The following CSMD3 variants were observed in gnomAD, a reference collection of about 807,000 sequenced individuals.
The protein encoded by CSMD3 is CUB and sushi domain-containing protein 3.
In CSMD3, 177 loss-of-function variants were observed where a neutral mutation model predicts 435.2. The observed-to-expected ratio is 0.41, with a 90% CI of 0.36 to 0.46. The LOEUF is 0.46. Among genes scored for constraint, CSMD3 ranks in the 20% least tolerant of loss-of-function variants. The pLI is 0.34. For missense variants in CSMD3, 4,265 were observed against 4,504.6 expected, an observed-to-expected ratio of 0.95 and a Z score of 1.52; for synonymous variants, 1,656 against 1,520.5, an observed-to-expected ratio of 1.09 and a Z score of -2.07.
At chr8:113,269,338 T>C (rs1283542782) in intron 3 of CSMD3, among the ~76,000 whole-genome samples, 2 of 152,126 alleles carry the variant, frequency 1.3e-5, no homozygotes, top group Non-Finnish European at 2.9e-5. Context: ...GAATATTCCA[T>C]GCTCATGGAT....
At chr8:112,894,271 AT>A (rs2081887231) in intron 10 of CSMD3, among the ~76,000 whole-genome samples, 1 of 151,484 alleles carries the variant, frequency 6.6e-6, no homozygotes. Flanking sequence ...GAAATGGTGC[AT>A]TACAAAGTGG....
intron 7 of CSMD3, among the ~76,000 whole-genome samples, chr8:112,957,312 G>A (rs28549960): frequency 0.24 from 36,586 of 152,006 alleles, 6,055 homozygotes; most frequent in African/African-American, 0.47. Flanking sequence ...AAAATTTATT[G>A]TAGAGTTAAT....
intron 4 of CSMD3, among the ~76,000 whole-genome samples, chr8:113,118,846 G>A (rs1290335578): frequency 1.3e-5 from 2 of 152,080 alleles, no homozygotes; most frequent in East Asian, 1.9e-4. Context: ...CAAAATTGCC[G>A]CAGCAGGGGA....
At chr8:112,841,821 C>T (rs986336420) in intron 11 of CSMD3, among the ~76,000 whole-genome samples, 2 of 151,802 alleles carry the variant, frequency 1.3e-5, no homozygotes, top group Non-Finnish European at 2.9e-5. Flanking sequence ...GCAGATGTTG[C>T]TCCCTTCAAA....
intron 27 of CSMD3, among the ~76,000 whole-genome samples, chr8:112,540,762 G>T (rs1826591658): frequency 1.3e-5 from 2 of 151,940 alleles, no homozygotes; most frequent in Non-Finnish European, 1.5e-5. Flanking sequence ...TCAAATGGTA[G>T]TTACTAGATA....
chr8:113,401,751 A>G (rs2094511059), intron 1 of CSMD3, among the ~76,000 whole-genome samples: 1 of 151,640 alleles, frequency 6.6e-6, no homozygotes, highest in Admixed American at 6.6e-5. Flanking sequence ...GACCACATAT[A>G]TACCTGTAGT....
At chr8:112,486,114 G>GC (rs1563602136) in intron 31 of CSMD3, among the ~76,000 whole-genome samples, 3 of 144,666 alleles carry the variant, frequency 2.1e-5, no homozygotes, top group Non-Finnish European at 4.6e-5. Flanking sequence ...ATTCTATCAG[G>GC]TTTTTTTTTT....
Position 113,226,858 on chromosome 8 carries a change from G to A in CSMD3, c.514+51734C>T, listed in dbSNP as rs187160392. 2.8e-4 allele frequency among the ~76,000 whole-genome samples: 43 copies of A among 151,550 alleles called. No individual in the cohort carries two copies. The Admixed American group carries it at 2.8e-3, about 10-fold the overall frequency. On this transcript the variant is annotated intron_variant, in intron 3 of 70. Coordinates refer to ENST00000297405, the MANE Select transcript of CSMD3 (RefSeq NM_198123.2). ...ACAATTGTCTTTCATATCCCATAAAGATATAATAAAGATAAAATTTGATAT... is the reference window on the plus strand; with the variant it reads ...ACAATTGTCTTTCATATCCCATAAAAATATAATAAAGATAAAATTTGATAT...
At chr8:112,635,506 A>C (rs1374586279) in intron 22 of CSMD3, among the ~76,000 whole-genome samples, 1 of 151,898 alleles carries the variant, frequency 6.6e-6, no homozygotes. Context: ...TAACAACAAA[A>C]TGTCCTTAAA....
At chr8:112,668,014 A>G (rs935081659) in intron 16 of CSMD3, among the ~76,000 whole-genome samples, 3 of 152,312 alleles carry the variant, frequency 2.0e-5, no homozygotes, top group East Asian at 1.9e-4. Context: ...AAATTGGCCT[A>G]GGAATTAAAC....
chr8:112,913,840 A>C (rs534666914), intron 10 of CSMD3, among the ~76,000 whole-genome samples: 38 of 151,792 alleles, frequency 2.5e-4, no homozygotes, highest in African/African-American at 6.3e-4. Context: ...CTTTTCTATA[A>C]AAATTTTTGT....
chr8:113,179,359 G>C (rs538028942), intron 3 of CSMD3, among the ~76,000 whole-genome samples: 1 of 151,772 alleles, frequency 6.6e-6, no homozygotes, highest in Non-Finnish European at 1.5e-5. Context: ...ATCTTCTAGA[G>C]GTTGTGTCAT....
chr8:112,876,552 C>A (rs1425705168), intron 10 of CSMD3, among the ~76,000 whole-genome samples: 1 of 152,096 alleles, frequency 6.6e-6, no homozygotes, highest in South Asian at 2.1e-4. Context: ...AACCATAATC[C>A]ATCACATAAA....
rs2131823417 is a variant in CSMD3 at position 112,689,853 on chromosome 8, G to A, written c.2155+15C>T. On this transcript the variant is annotated intron_variant, in intron 14 of 70. Coordinates refer to ENST00000297405, the MANE Select transcript of CSMD3 (RefSeq NM_198123.2). ...GTAACATATGCTATCTGGAAGCAAAGCATTTGGTACTCACAGATACAGATG... is the reference window on the plus strand; with the variant it reads ...GTAACATATGCTATCTGGAAGCAAAACATTTGGTACTCACAGATACAGATG... 6.2e-7 allele frequency: 1 copy of A among 1,608,536 alleles called. No individual in the cohort carries two copies. Among genetic ancestry groups the A allele is most frequent in the Non-Finnish European group, 8.5e-7 (1 of 1,175,186 alleles).
chr8:113,068,266 T>C (rs558914900), intron 5 of CSMD3, among the ~76,000 whole-genome samples: 23 of 152,212 alleles, frequency 1.5e-4, no homozygotes, highest in Admixed American at 2.6e-4. Context: ...ATTTGGACAA[T>C]TGAAAATAAG....
chr8:112,271,298 AT>A (rs1817509565), intron 59 of CSMD3, among the ~76,000 whole-genome samples: 1 of 152,214 alleles, frequency 6.6e-6, no homozygotes, highest in East Asian at 1.9e-4. Flanking sequence ...AATTTTACAA[AT>A]GGTCGTTTCA....
intron 1 of CSMD3, among the ~76,000 whole-genome samples, chr8:113,417,921 T>C (rs1276681724): frequency 1.3e-5 from 2 of 152,018 alleles, no homozygotes; most frequent in Admixed American, 1.3e-4. Flanking sequence ...AGAGATAAAA[T>C]TTAAGACATT....
At chr8:112,594,894 A>C (rs1052088232) in intron 22 of CSMD3, among the ~76,000 whole-genome samples, 1 of 151,634 alleles carries the variant, frequency 6.6e-6, no homozygotes, top group Non-Finnish European at 1.5e-5. Context: ...CCAAAAGTAG[A>C]TAAAACCACA....
rs565228326 is a variant in CSMD3, at chr8:112,572,869, C to T, written c.4042+632G>A. 1.3e-3 allele frequency among the ~76,000 whole-genome samples: 198 copies of T among 152,058 alleles called. 1 individual carries two copies. The highest frequency in any genetic ancestry group is 2.2e-3 in the Non-Finnish European group (152 of 67,922). The stretch of plus-strand genomic sequence containing the variant: ...TGTAACTAGTCTGTTTCTTATATAA[C>T]GGTACTAGTAAAACACATCCATTTA... On this transcript the variant is annotated intron_variant, in intron 24 of 70. Coordinates refer to ENST00000297405, the MANE Select transcript of CSMD3 (RefSeq NM_198123.2).
Sources: gnomAD v4.1 joint callset for allele counts (sites outside exome capture counted in the v4.1 genomes callset) on GRCh38, gnomAD v4.1.1 for gene constraint, MANE v1.5 for transcripts, NCBI Gene and HGNC (gene_info 2026-07-23, HGNC 2026-07-21) for gene names.